The following VEPH1 variants were observed in gnomAD, a reference collection of about 807,000 sequenced individuals.
VEPH1 encodes the protein ventricular zone-expressed PH domain-containing protein homolog 1.
Under a neutral mutation model 85.2 loss-of-function variants are expected in VEPH1, and 80 were observed. The ratio of observed to expected loss-of-function variants is 0.94; its 90% CI spans 0.78 to 1.13. The LOEUF is 1.13. Among genes scored for constraint, VEPH1 ranks in the 50% most tolerant of loss-of-function variants. The probability of loss-of-function intolerance (pLI) is 0.00; values close to 1 mark genes in which losing one functional copy is unlikely to be tolerated. For missense variants in VEPH1, 955 were observed against 980.5 expected, an observed-to-expected ratio of 0.97 and a Z score of 0.35; for synonymous variants, 297 against 348.0, an observed-to-expected ratio of 0.85 and a Z score of 1.63.
In VEPH1 at chr3:157,313,668, G is replaced by A. The variant is rs867444596; in HGVS notation, c.1963C>T (p.His655Tyr). 6 of 1,614,102 alleles carry A rather than the reference G, an allele frequency of 3.7e-6. No individual in the cohort carries two copies. The African/African-American group carries it at 8.0e-5, about 22-fold the overall frequency. Residue 655 changes from histidine (H) to tyrosine (Y), a missense_variant, in exon 11 of 14, where the codon CAC becomes TAC. His to Tyr is a moderately conservative substitution (Grantham distance 83). Coordinates refer to ENST00000362010, the MANE Select transcript of VEPH1 (RefSeq NM_001167912.2). ...TCCATCATGGCAGTTTCAAAGCTGT[G>A]AGCACCCCCTGCCTGGGTCTTCTCC... The part of the protein sequence containing the change: ...LWEKTQAGGA[H>Y]SFETAMMEST...
intron 11 of VEPH1, among the ~76,000 whole-genome samples, chr3:157,307,198 CTA>C (rs146868206): frequency 4.3e-4 from 64 of 150,022 alleles, no homozygotes; most frequent in Non-Finnish European, 8.3e-4. Flanking sequence ...TAATTAATGA[CTA>C]TATATATATA....
In VEPH1 at chr3:157,474,542, C is replaced by A. The variant is rs142564743; in HGVS notation, c.139-4013G>T. ...GAAATAATTTAGTAGCATCATTCAA[C>A]GATTCTTAATAGTAAAAAATATGCC... On this transcript the variant is annotated intron_variant, in intron 2 of 13. Coordinates refer to ENST00000362010, the MANE Select transcript of VEPH1 (RefSeq NM_001167912.2). 2.0e-5 allele frequency among the ~76,000 whole-genome samples: 3 copies of A among 152,268 alleles called. No homozygotes were observed. In the South Asian group the frequency reaches 6.2e-4, roughly 32 times the overall value.
At chr3:157,390,726 C>A (rs1426570766) in intron 6 of VEPH1, among the ~76,000 whole-genome samples, 1 of 152,172 alleles carries the variant, frequency 6.6e-6, no homozygotes, top group Admixed American at 6.5e-5. Context: ...CAGCATCTGG[C>A]TGATAAAAGC....
At chr3:157,410,801 G>A (rs1216169948) in intron 6 of VEPH1, among the ~76,000 whole-genome samples, 1 of 152,110 alleles carries the variant, frequency 6.6e-6, no homozygotes, top group Non-Finnish European at 1.5e-5. Flanking sequence ...TAATATCAGA[G>A]CATACGGGAG....
intron 7 of VEPH1, among the ~76,000 whole-genome samples, chr3:157,378,133 T>C (rs1416860155): frequency 6.6e-6 from 1 of 152,002 alleles, no homozygotes; most frequent in Non-Finnish European, 1.5e-5. Context: ...CTGCAGAGAC[T>C]GTAAACCAAA....
intron 10 of VEPH1, among the ~76,000 whole-genome samples, chr3:157,316,375 G>A (rs1720756988): frequency 6.6e-6 from 1 of 151,130 alleles, no homozygotes; most frequent in Admixed American, 6.6e-5. Context: ...TTCAACATAT[G>A]TGTGACAATA....
At chr3:157,496,704 C>A (rs940690011) in intron 1 of VEPH1, among the ~76,000 whole-genome samples, 3 of 152,182 alleles carry the variant, frequency 2.0e-5, no homozygotes, top group Admixed American at 6.5e-5. Flanking sequence ...GTGAGAGCAC[C>A]TCTTTGTGTT....
chr3:157,475,572 T>C (rs973497039), intron 2 of VEPH1, among the ~76,000 whole-genome samples: 2 of 152,182 alleles, frequency 1.3e-5, no homozygotes, highest in Admixed American at 6.5e-5. Flanking sequence ...AAATAAGCTG[T>C]GTGAACAGGT....
chr3:157,413,831 T>C lies in VEPH1; in HGVS notation c.906+50A>G, dbSNP rs1194162171. 5 of 1,582,506 alleles carry C rather than the reference T, an allele frequency of 3.2e-6. No homozygotes were observed. The African/African-American group carries it at 4.1e-5, about 13-fold the overall frequency. On this transcript the variant is annotated intron_variant, in intron 6 of 13. Coordinates refer to ENST00000362010, the MANE Select transcript of VEPH1 (RefSeq NM_001167912.2). ...AATCCAACCTATTAAATAGGTTGGA[T>C]TAAGTGCCAGTGCAATTCAGGGGAA...
At chr3:157,389,086 A>AT (rs1421707328) in intron 6 of VEPH1, among the ~76,000 whole-genome samples, 1 of 152,192 alleles carries the variant, frequency 6.6e-6, no homozygotes, top group African/African-American at 2.4e-5. Flanking sequence ...CTCTGGTTAC[A>AT]TTTTTGTTAA....
At chr3:157,271,851 G>GA (rs796497863) in intron 12 of VEPH1, among the ~76,000 whole-genome samples, 2 of 151,902 alleles carry the variant, frequency 1.3e-5, no homozygotes, top group Admixed American at 6.6e-5. Context: ...AAAAGTTCAT[G>GA]AAAAAAATGG....
At chr3:157,280,910 A>G (rs1361609124) in intron 12 of VEPH1, among the ~76,000 whole-genome samples, 2 of 152,224 alleles carry the variant, frequency 1.3e-5, no homozygotes, top group Non-Finnish European at 2.9e-5. Context: ...GCACTGGTTA[A>G]GATGTACAAA....
chr3:157,273,809 C>G (rs967023681), intron 12 of VEPH1, among the ~76,000 whole-genome samples: 1 of 152,218 alleles, frequency 6.6e-6, no homozygotes, highest in South Asian at 2.1e-4. Flanking sequence ...ATAATTCACT[C>G]TCTACCTGGT....
chr3:157,268,912 TA>T (rs1449467575), intron 12 of VEPH1, among the ~76,000 whole-genome samples: 8 of 150,504 alleles, frequency 5.3e-5, no homozygotes, highest in Non-Finnish European at 1.0e-4. Context: ...CACACTTGGC[TA>T]ATTTTTTAAT....
intron 2 of VEPH1, among the ~76,000 whole-genome samples, chr3:157,487,419 G>C (rs1473958885): frequency 6.6e-6 from 1 of 152,058 alleles, no homozygotes; most frequent in African/African-American, 2.4e-5. Context: ...CAAAAAGATT[G>C]AATCAGTAGT....
chr3:157,454,896 T>C (rs1231642314), intron 4 of VEPH1, among the ~76,000 whole-genome samples: 2 of 152,206 alleles, frequency 1.3e-5, no homozygotes, highest in African/African-American at 4.8e-5. Flanking sequence ...TCTAGCTGCA[T>C]CCACGTTGCT....
chr3:157,439,262 T>TA (rs1314474154), intron 4 of VEPH1, among the ~76,000 whole-genome samples: 12 of 152,236 alleles, frequency 7.9e-5, no homozygotes, highest in African/African-American at 2.9e-4. Context: ...CTCTATTTTT[T>TA]ATCTTCATCT....
chr3:157,463,560 C>T (rs1199003462), intron 3 of VEPH1, among the ~76,000 whole-genome samples: 2 of 152,142 alleles, frequency 1.3e-5, no homozygotes, highest in Non-Finnish European at 2.9e-5. Context: ...ATTACTGATA[C>T]GATGAGCTTT....
At chr3:157,366,615 A>AT (rs1726732935) in intron 7 of VEPH1, among the ~76,000 whole-genome samples, 1 of 151,942 alleles carries the variant, frequency 6.6e-6, no homozygotes, top group African/African-American at 2.4e-5. Flanking sequence ...GGCACCTGTA[A>AT]TCCCAGCTAC....
Sources: gnomAD v4.1 joint callset for allele counts (sites outside exome capture counted in the v4.1 genomes callset) on GRCh38, gnomAD v4.1.1 for gene constraint, MANE v1.5 for transcripts, NCBI Gene and HGNC (gene_info 2026-07-23, HGNC 2026-07-21) for gene names.